SEMA3A: variants seen among roughly 807,000 people sequenced by gnomAD.
SEMA3A encodes semaphorin 3A.
SEMA3A carries 29 observed loss-of-function variants against 97.9 expected under a neutral mutation model. The observed-to-expected ratio is 0.30, with a 90% confidence interval of 0.22 to 0.40. The LOEUF (loss-of-function observed/expected upper bound fraction) is 0.40. SEMA3A is among the 10% of genes least tolerant of loss of function. SEMA3A has a pLI of 1.00. For synonymous variants in SEMA3A, 321 were observed against 323.7 expected (o/e 0.99, Z 0.09); for missense variants, 763 against 951.3 (o/e 0.80, Z 2.60).
intron 2 of SEMA3A, among the ~76,000 whole-genome samples, chr7:84,328,464 C>T (rs1181198865): frequency 2.0e-5 from 3 of 151,824 alleles, no homozygotes; most frequent in Non-Finnish European, 2.9e-5. Context: ...ACAAAATAGA[C>T]AGTAACTTTT....
At chr7:84,199,185 G>A (rs1222334354), upstream of SEMA3A, among the ~76,000 whole-genome samples, 2 of 152,150 alleles carry the variant, frequency 1.3e-5, no homozygotes, top group African/African-American at 4.8e-5. Flanking sequence ...AATACTAGCT[G>A]TATTTGTCCA....
At chr7:84,191,097 G>A (rs35276675) in intron 1 of SEMA3A, among the ~76,000 whole-genome samples, 9,568 of 149,972 alleles carry the variant, frequency 0.064, 351 homozygotes, top group African/African-American at 0.094. Context: ...TTGAACAAAA[G>A]GTAAAGAACT....
chr7:84,193,070 A>G (rs769978457), intron 1 of SEMA3A, among the ~76,000 whole-genome samples: 87 of 152,018 alleles, frequency 5.7e-4, no homozygotes, highest in Non-Finnish European at 1.0e-3. Flanking sequence ...TAAAACTTAC[A>G]TAAGTACAAT....
chr7:84,375,873 C>T (rs1447885436), intron 1 of SEMA3A, among the ~76,000 whole-genome samples: 2 of 152,118 alleles, frequency 1.3e-5, no homozygotes, highest in Non-Finnish European at 2.9e-5. Context: ...CCTCTAGGAA[C>T]CACTATTCTA....
In SEMA3A at chr7:83,961,333, A is replaced by G. The variant is rs1175253114; in HGVS notation, c.*38T>C. 3.3e-6 allele frequency: 5 copies of G among 1,520,200 alleles called. No individual in the cohort carries two copies. The highest frequency in any genetic ancestry group is 1.4e-5 in the African/African-American group (1 of 72,684). The allele number at this position is 1,520,200 out of a possible 1,614,324, so 94.2% of individuals were successfully genotyped here. On this transcript the variant is annotated 3_prime_UTR_variant, in exon 17 of 17. Transcript: ENST00000265362. The stretch of plus-strand genomic sequence containing the variant: ...TGTTTTTCCAGTTATTGTCTAGGCA[A>G]GTTTCTACTTGTTTGAGGTTTCTAG...
intron 16 of SEMA3A, 123 bp downstream of exon 16, chr7:83,963,082 T>C (rs1298145156): frequency 3.1e-5 from 31 of 1,000,144 alleles, no homozygotes; most frequent in Non-Finnish European, 4.1e-5. Flanking sequence ...GAATGAGCGA[T>C]TGATTGGTTC....
intron 5 of SEMA3A, among the ~76,000 whole-genome samples, chr7:84,051,961 G>C (rs897887020): frequency 6.6e-6 from 1 of 150,648 alleles, no homozygotes; most frequent in Non-Finnish European, 1.5e-5. Context: ...TGCATCTATT[G>C]AGATAATCAT....
At chr7:84,300,280 A>G (rs1800978693) in intron 3 of SEMA3A, among the ~76,000 whole-genome samples, 1 of 152,072 alleles carries the variant, frequency 6.6e-6, no homozygotes, top group Admixed American at 6.6e-5. Context: ...TTTCATACAC[A>G]TATACACATC....
intron 1 of SEMA3A, among the ~76,000 whole-genome samples, chr7:84,175,750 C>G (rs562331262): frequency 3.4e-5 from 5 of 145,738 alleles, no homozygotes; most frequent in Non-Finnish European, 1.5e-5. Flanking sequence ...TTTTCCCTGT[C>G]TGTTATCACA....
At position 83,994,317 on chromosome 7, in the gene SEMA3A, A is replaced by C. The variant is rs201273992; in HGVS notation, c.1452+7638T>G. ...GTCTGAAGCCTTCTTCTCTCAGCTC[A>C]TCAAAGTCATTCTCCATCCAGCTTT... On this transcript the variant is annotated intron_variant, in intron 12 of 16. Transcript: ENST00000265362. 2.3e-3 allele frequency among the ~76,000 whole-genome samples: 247 copies of C among 105,218 alleles called. 14 individuals are homozygous for C. Among genetic ancestry groups the C allele is most frequent in the African/African-American group, 8.1e-3 (228 of 28,102 alleles). 69.0% of individuals were successfully genotyped at this position (105,218 alleles called of 152,430 possible).
chr7:83,966,911 A>G (rs542422018), intron 15 of SEMA3A, among the ~76,000 whole-genome samples: 5 of 151,892 alleles, frequency 3.3e-5, no homozygotes, highest in Non-Finnish European at 7.4e-5. Context: ...GGGTTTCTCC[A>G]TGTTGGTTAG....
At chr7:84,318,317 GTT>G (rs71522699) in intron 2 of SEMA3A, among the ~76,000 whole-genome samples, 2,188 of 97,572 alleles carry the variant, frequency 0.022, 17 homozygotes, top group African/African-American at 0.08. Context: ...TGATTTCTTG[GTT>G]TTTTTTTTTT....
At chr7:84,295,830 T>C (rs1800857049) in intron 3 of SEMA3A, among the ~76,000 whole-genome samples, 1 of 152,050 alleles carries the variant, frequency 6.6e-6, no homozygotes, top group South Asian at 2.1e-4. Flanking sequence ...AATAAACCAA[T>C]ATATTGAGGG....
intron 1 of SEMA3A, among the ~76,000 whole-genome samples, chr7:84,448,200 C>G (rs1395602202): frequency 6.6e-6 from 1 of 152,214 alleles, no homozygotes; most frequent in Non-Finnish European, 1.5e-5. Flanking sequence ...GAGCAAAACT[C>G]AGGCAAAGAC....
intron 5 of SEMA3A, among the ~76,000 whole-genome samples, chr7:84,053,224 A>C (rs1217679150): frequency 9.0e-6 from 1 of 110,522 alleles, no homozygotes; most frequent in Non-Finnish European, 2.2e-5. Flanking sequence ...GATGTCTATT[A>C]GGTACGCTTG....
At chr7:84,246,453 G>A (rs970499102) in intron 3 of SEMA3A, among the ~76,000 whole-genome samples, 2 of 151,978 alleles carry the variant, frequency 1.3e-5, no homozygotes, top group African/African-American at 4.8e-5. Flanking sequence ...CATTAAAAAG[G>A]ATTAATAATT....
chr7:84,438,723 A>C (rs1805199054), intron 1 of SEMA3A, among the ~76,000 whole-genome samples: 2 of 152,100 alleles, frequency 1.3e-5, no homozygotes, highest in Non-Finnish European at 2.9e-5. Flanking sequence ...GATGGTACCC[A>C]CCACATAGAA....
intron 1 of SEMA3A, among the ~76,000 whole-genome samples, chr7:84,167,071 G>A (rs562723674): frequency 2.0e-5 from 3 of 152,262 alleles, no homozygotes; most frequent in Admixed American, 6.5e-5. Flanking sequence ...AGTCCTACAA[G>A]ATGTAGGACT....
intron 3 of SEMA3A, among the ~76,000 whole-genome samples, chr7:84,241,909 G>A (rs1419791950): frequency 2.6e-5 from 4 of 152,022 alleles, no homozygotes; most frequent in South Asian, 2.1e-4. Flanking sequence ...ACTTGTTTTT[G>A]TCAGGTTTGT....
Sources: gnomAD v4.1 joint callset for allele counts (sites outside exome capture counted in the v4.1 genomes callset) on GRCh38, gnomAD v4.1.1 for gene constraint, MANE v1.5 for transcripts, NCBI Gene and HGNC (gene_info 2026-07-23, HGNC 2026-07-21) for gene names.